CNTNAP2: variants seen among roughly 807,000 people sequenced by gnomAD.
CNTNAP2 encodes contactin associated protein 2.
Under a neutral mutation model 155.2 loss-of-function variants are expected in CNTNAP2, and 98 were observed. The observed-to-expected ratio is 0.63, with a 90% confidence interval of 0.54 to 0.75. The LOEUF is 0.75. CNTNAP2 is among the 30% of genes least tolerant of loss of function. CNTNAP2 has a pLI of 0.00. For missense variants in CNTNAP2, 1,727 were observed against 1,688.1 expected (o/e 1.02, Z -0.40); for synonymous variants, 651 against 631.2 (o/e 1.03, Z -0.47).
At chr7:146,887,687 C>A (rs990246400) in intron 3 of CNTNAP2, among the ~76,000 whole-genome samples, 2 of 151,996 alleles carry the variant, frequency 1.3e-5, no homozygotes, top group Admixed American at 1.3e-4. Context: ...CTTGTCAAAA[C>A]AAACAAAAGA....
chr7:147,035,288 G>A (rs949365229), intron 3 of CNTNAP2, among the ~76,000 whole-genome samples: 1 of 152,196 alleles, frequency 6.6e-6, no homozygotes, highest in Non-Finnish European at 1.5e-5. Context: ...GGTAACAGGT[G>A]CAGTATTTTA....
intron 1 of CNTNAP2, among the ~76,000 whole-genome samples, chr7:146,252,443 A>G (rs1189597808): frequency 6.6e-6 from 1 of 152,124 alleles, no homozygotes; most frequent in Non-Finnish European, 1.5e-5. Flanking sequence ...GACCGCCCTG[A>G]CAGACCTTGC....
chr7:146,715,624 C>CCATTTGGCACTTTAGG (rs1801174353), intron 1 of CNTNAP2, among the ~76,000 whole-genome samples: 1 of 151,970 alleles, frequency 6.6e-6, no homozygotes, highest in Non-Finnish European at 1.5e-5. Flanking sequence ...AGAAAATCAC[C>CCATTTGGCACTTTAGG]CTACCTAAAG....
intron 3 of CNTNAP2, among the ~76,000 whole-genome samples, chr7:146,940,848 AAGAG>A (rs150847947): frequency 2.8e-4 from 43 of 151,014 alleles, no homozygotes; most frequent in African/African-American, 4.4e-4. Flanking sequence ...AAGAGAGAGA[AAGAG>A]AGAGAGAGAG....
At position 147,311,244 on chromosome 7, in the gene CNTNAP2, A is replaced by G. The variant is rs116702555; in HGVS notation, c.1498+10954A>G. ...CATCATGGGTTAGTTCAGGTACTCT[A>G]AGAAGCAGAGGTTAAGACAGAATCA... On this transcript the variant is annotated intron_variant, in intron 9 of 23. Coordinates refer to ENST00000361727, the MANE Select transcript of CNTNAP2 (RefSeq NM_014141.6). Among the ~76,000 whole-genome samples, 254 of 152,308 alleles carry G rather than the reference A, an allele frequency of 1.7e-3. 1 individual carries two copies. Among genetic ancestry groups the G allele is most frequent in the African/African-American group, 5.9e-3 (245 of 41,572 alleles).
intron 1 of CNTNAP2, among the ~76,000 whole-genome samples, chr7:146,752,818 G>C (rs1008856962): frequency 3.3e-5 from 5 of 152,158 alleles, no homozygotes; most frequent in African/African-American, 9.7e-5. Flanking sequence ...AAGGGGTCCA[G>C]TTTCAGTTTT....
intron 1 of CNTNAP2, among the ~76,000 whole-genome samples, chr7:146,166,665 C>G (rs911748450): frequency 6.6e-6 from 1 of 152,154 alleles, no homozygotes; most frequent in Non-Finnish European, 1.5e-5. Flanking sequence ...AACATTTAAG[C>G]TATTTTTAAA....
rs776175685 is a variant in CNTNAP2, at chr7:147,044,064, G to T, written c.550+10G>T. 6.2e-7 allele frequency: 1 copy of T among 1,613,880 alleles called. No homozygotes were observed. On this transcript the variant is annotated intron_variant, in intron 4 of 23. Coordinates refer to ENST00000361727, the MANE Select transcript of CNTNAP2 (RefSeq NM_014141.6). ...TATGGCTGTTCTTACTGTGAGTATC[G>T]TATTGTTTAAATTTGTGGCAGGTTT... is the stretch of plus-strand genomic sequence containing the variant.
intron 18 of CNTNAP2, among the ~76,000 whole-genome samples, chr7:148,211,592 A>G (rs1315629715): frequency 6.6e-6 from 1 of 152,186 alleles, no homozygotes; most frequent in Non-Finnish European, 1.5e-5. Flanking sequence ...ACTATAAATC[A>G]GAATTTTTCC....
chr7:148,092,688 A>G (rs773772167), intron 15 of CNTNAP2, among the ~76,000 whole-genome samples: 1 of 152,126 alleles, frequency 6.6e-6, no homozygotes, highest in Admixed American at 6.5e-5. Context: ...TGTACCTCCA[A>G]TCTCTCAAGA....
chr7:146,563,390 G>C (rs1015739287), intron 1 of CNTNAP2, among the ~76,000 whole-genome samples: 5 of 151,710 alleles, frequency 3.3e-5, no homozygotes, highest in African/African-American at 9.7e-5. Context: ...TACCTTTCTC[G>C]TTTGGGAACT....
chr7:146,915,376 G>A (rs1276112381), intron 3 of CNTNAP2, among the ~76,000 whole-genome samples: 1 of 152,078 alleles, frequency 6.6e-6, no homozygotes, highest in Non-Finnish European at 1.5e-5. Context: ...GATGGAAATT[G>A]CATTGAATTT....
intron 9 of CNTNAP2, among the ~76,000 whole-genome samples, chr7:147,388,790 G>A (rs146396602): frequency 1.3e-5 from 2 of 152,114 alleles, no homozygotes; most frequent in African/African-American, 2.4e-5. Context: ...CCATGTTGGC[G>A]AAGCTGGTCT....
At chr7:147,286,898 G>A (rs1805191429) in intron 8 of CNTNAP2, among the ~76,000 whole-genome samples, 1 of 151,904 alleles carries the variant, frequency 6.6e-6, no homozygotes, top group East Asian at 1.9e-4. Flanking sequence ...ACTTATAAGA[G>A]TTGACTAGTC....
At chr7:147,739,384 C>G (rs1796917514) in intron 13 of CNTNAP2, among the ~76,000 whole-genome samples, 1 of 152,038 alleles carries the variant, frequency 6.6e-6, no homozygotes, top group African/African-American at 2.4e-5. Context: ...CTTCAGGTAT[C>G]AGTTTTCTAA....
intron 13 of CNTNAP2, among the ~76,000 whole-genome samples, chr7:147,671,105 T>G (rs1025624292): frequency 3.9e-5 from 6 of 152,234 alleles, no homozygotes; most frequent in Non-Finnish European, 2.9e-5. Flanking sequence ...GCACAGCGGA[T>G]CCGAGTGAGT....
intron 3 of CNTNAP2, among the ~76,000 whole-genome samples, chr7:146,856,469 A>G (rs559184603): frequency 5.3e-5 from 8 of 152,146 alleles, no homozygotes; most frequent in Non-Finnish European, 8.8e-5. Context: ...ATTTGCAACC[A>G]TCATAGTAAA....
At chr7:146,687,509 C>T (rs757845060) in intron 1 of CNTNAP2, among the ~76,000 whole-genome samples, 28 of 152,180 alleles carry the variant, frequency 1.8e-4, no homozygotes, top group African/African-American at 6.3e-4. Context: ...AAGAAGGGAA[C>T]GACTCGACTT....
chr7:146,885,542 A>T (rs1453561671), intron 3 of CNTNAP2, among the ~76,000 whole-genome samples: 2 of 152,254 alleles, frequency 1.3e-5, no homozygotes, highest in South Asian at 4.1e-4. Flanking sequence ...GTTTGTCCTT[A>T]AAAAAGCAAG....
Sources: allele counts gnomAD v4.1 joint callset (sites outside exome capture counted in the v4.1 genomes callset), GRCh38; gene constraint gnomAD v4.1.1; transcripts MANE v1.5; gene names NCBI Gene and HGNC (gene_info 2026-07-23, HGNC 2026-07-21).